ARHGEF38: variants seen among roughly 807,000 people sequenced by gnomAD.
The protein encoded by ARHGEF38 is Rho guanine nucleotide exchange factor (GEF) 38.
A neutral mutation model predicts 79.9 loss-of-function variants in ARHGEF38; 79 were observed. The ratio of observed to expected loss-of-function variants is 0.99; its 90% confidence interval spans 0.82 to 1.19. ARHGEF38 has a LOEUF of 1.19. Among genes scored for constraint, ARHGEF38 ranks in the 50% most tolerant of loss-of-function variants. The pLI, the probability that ARHGEF38 is intolerant of heterozygous loss-of-function variation, is 0.00. For missense variants in ARHGEF38, 962 were observed against 907.2 expected, an observed-to-expected ratio of 1.06 and a Z score of -0.78; for synonymous variants, 366 against 328.3, an observed-to-expected ratio of 1.11 and a Z score of -1.24.
At chr4:105,652,387 G>A (rs1730140094) in intron 7 of ARHGEF38, among the ~76,000 whole-genome samples, 1 of 152,164 alleles carries the variant, frequency 6.6e-6, no homozygotes, top group African/African-American at 2.4e-5. Flanking sequence ...TCAGTGGAGA[G>A]AATCACTTAA....
chr4:105,599,905 A>C (rs1032099779), intron 2 of ARHGEF38, among the ~76,000 whole-genome samples: 2 of 152,262 alleles, frequency 1.3e-5, no homozygotes, highest in Non-Finnish European at 1.5e-5. Flanking sequence ...AAAACTAAGA[A>C]TCCCTTGTGA....
intron 1 of ARHGEF38, chr4:105,569,794 T>C (rs1726127634): frequency 6.6e-6 from 1 of 152,198 alleles, no homozygotes; most frequent in Admixed American, 6.5e-5. Context: ...TCTTATTGTG[T>C]TTTTGTGAAG....
At chr4:105,559,007 C>T (rs1725387600) in intron 1 of ARHGEF38, among the ~76,000 whole-genome samples, 1 of 150,334 alleles carries the variant, frequency 6.7e-6, no homozygotes, top group East Asian at 2.0e-4. Flanking sequence ...GAGAGAAAAG[C>T]ACCCAAGCCA....
intron 2 of ARHGEF38, among the ~76,000 whole-genome samples, chr4:105,602,255 A>G (rs1194965850): frequency 6.6e-6 from 1 of 152,164 alleles, no homozygotes; most frequent in Admixed American, 6.6e-5. Flanking sequence ...GGTCCTTATA[A>G]AAATAAAAAT....
chr4:105,635,220 C>T (rs1395257529), intron 4 of ARHGEF38, among the ~76,000 whole-genome samples: 1 of 151,866 alleles, frequency 6.6e-6, no homozygotes, highest in Non-Finnish European at 1.5e-5. Context: ...CTGAATTGCC[C>T]TTGGTTGGGA....
intron 9 of ARHGEF38, among the ~76,000 whole-genome samples, chr4:105,658,422 A>C (rs1730425320): frequency 1.3e-5 from 2 of 152,148 alleles, no homozygotes; most frequent in African/African-American, 2.4e-5. Flanking sequence ...TTAATTAAAA[A>C]TAAAACAAGT....
intron 7 of ARHGEF38, among the ~76,000 whole-genome samples, chr4:105,649,806 T>C (rs1730022916): frequency 6.6e-6 from 1 of 152,194 alleles, no homozygotes; most frequent in Admixed American, 6.5e-5. Flanking sequence ...ATTGACTCTA[T>C]ATTTCAATCT....
At chr4:105,647,862 C>G (rs1313497645) in intron 6 of ARHGEF38, among the ~76,000 whole-genome samples, 1 of 151,372 alleles carries the variant, frequency 6.6e-6, no homozygotes, top group Non-Finnish European at 1.5e-5. Context: ...TTACATTGGG[C>G]ACAGTTGTCT....
intron 7 of ARHGEF38, 122 bp downstream of exon 7, chr4:105,648,804 C>A: frequency 2.1e-6 from 2 of 942,174 alleles, no homozygotes; most frequent in Non-Finnish European, 3.0e-6. Context: ...TTGCCCTATG[C>A]TGTTCTCTTG....
At chr4:105,651,395 A>G (rs1284977002) in intron 7 of ARHGEF38, among the ~76,000 whole-genome samples, 2 of 152,210 alleles carry the variant, frequency 1.3e-5, no homozygotes. Flanking sequence ...ATTACCGAAG[A>G]GGAAGATTCT....
intron 10 of ARHGEF38, among the ~76,000 whole-genome samples, chr4:105,661,876 A>G (rs547935112): frequency 6.6e-6 from 1 of 152,228 alleles, no homozygotes; most frequent in Non-Finnish European, 1.5e-5. Context: ...ACCTGTCCCT[A>G]TTGATGAGTA....
intron 2 of ARHGEF38, among the ~76,000 whole-genome samples, chr4:105,605,306 C>T (rs1454128360): frequency 1.3e-5 from 2 of 151,972 alleles, no homozygotes; most frequent in Non-Finnish European, 2.9e-5. Flanking sequence ...ATTTTAAGTT[C>T]CAGGGCTGTT....
chr4:105,596,677 G>A (rs568253807), intron 2 of ARHGEF38, among the ~76,000 whole-genome samples: 1 of 152,118 alleles, frequency 6.6e-6, no homozygotes, highest in Admixed American at 6.5e-5. Flanking sequence ...TGTTTTTCAT[G>A]GCTCTTCCTT....
chr4:105,606,611 T>C (rs1324809194), intron 2 of ARHGEF38, among the ~76,000 whole-genome samples: 2 of 152,104 alleles, frequency 1.3e-5, no homozygotes, highest in African/African-American at 2.4e-5. Context: ...AAGAGCTGAT[T>C]ATAATAATGA....
rs1490786926 is a variant in ARHGEF38 at position 105,667,606 on chromosome 4, G to A, written c.2051G>A (p.Ser684Asn). 11 of 1,536,596 alleles carry A rather than the reference G, an allele frequency of 7.2e-6. No individual in the cohort carries two copies. The highest frequency in any genetic ancestry group is 9.6e-6 in the Non-Finnish European group (11 of 1,147,060). ...ASDSVTGTSE[S>N]SIGDSSSSLS... ...GACAGTGTCACAGGCACCTCAGAAAGCAGCATTGGTGATAGCAGCTCATCT... is the reference window on the plus strand; with the variant it reads ...GACAGTGTCACAGGCACCTCAGAAAACAGCATTGGTGATAGCAGCTCATCT... The change falls in exon 13 of 14, where the codon AGC becomes AAC. Residue 684 changes from serine (S) to asparagine (N), a missense_variant. Coordinates refer to ENST00000420470, the MANE Select transcript of ARHGEF38 (RefSeq NM_001242729.2).
intron 13 of ARHGEF38, among the ~76,000 whole-genome samples, chr4:105,671,549 C>T (rs970216442): frequency 6.6e-6 from 1 of 152,068 alleles, no homozygotes; most frequent in African/African-American, 2.4e-5. Context: ...GCCCCAGGGC[C>T]GATGTTTCTA....
rs115800442 is a variant in ARHGEF38, at chr4:105,617,327, C to T, written c.508+3820C>T. ...TTAAAATAAAAATCTATAGAGCAGA[C>T]GTGTAGTTGAAAATGATTGGTGTAT... is the stretch of plus-strand genomic sequence containing the variant. On this transcript the variant is annotated intron_variant, in intron 3 of 13. Coordinates refer to ENST00000420470, the MANE Select transcript of ARHGEF38 (RefSeq NM_001242729.2). 9.9e-3 allele frequency among the ~76,000 whole-genome samples: 1,498 copies of T among 152,008 alleles called. 21 individuals carry two copies. Among genetic ancestry groups the T allele is most frequent in the African/African-American group, 0.031 (1,280 of 41,452 alleles).
chr4:105,670,839 T>C (rs1578367180), intron 13 of ARHGEF38, among the ~76,000 whole-genome samples: 1 of 152,202 alleles, frequency 6.6e-6, no homozygotes, highest in African/African-American at 2.4e-5. Flanking sequence ...CAGCACACTC[T>C]AAAGCTGGCT....
intron 3 of ARHGEF38, among the ~76,000 whole-genome samples, chr4:105,627,854 TG>T (rs1440793597): frequency 6.6e-6 from 1 of 152,200 alleles, no homozygotes; most frequent in East Asian, 1.9e-4. Flanking sequence ...CTGCTTCATC[TG>T]CACTATTATG....
Sources: gnomAD v4.1 joint callset for allele counts (sites outside exome capture counted in the v4.1 genomes callset) on GRCh38, gnomAD v4.1.1 for gene constraint, MANE v1.5 for transcripts, NCBI Gene and HGNC (gene_info 2026-07-23, HGNC 2026-07-21) for gene names.